UBE2D1: variants seen among roughly 807,000 people sequenced by gnomAD.
UBE2D1 encodes the protein ubiquitin conjugating enzyme E2 D1.
Under a neutral mutation model 24.6 loss-of-function variants are expected in UBE2D1, and 9 were observed. The ratio of observed to expected loss-of-function variants is 0.37; its 90% CI spans 0.22 to 0.64. The LOEUF is 0.64. Among genes scored for constraint, UBE2D1 ranks in the 30% least tolerant of loss-of-function variants. The pLI is 0.64. For missense variants in UBE2D1, 87 were observed against 177.1 expected, an observed-to-expected ratio of 0.49 and a Z score of 2.89; for synonymous variants, 57 against 57.6, an observed-to-expected ratio of 0.99 and a Z score of 0.04.
chr10:58,364,699 A>C, intron 4 of UBE2D1, 72 bp from the exon 5 acceptor site: 1 of 1,125,438 alleles, frequency 8.9e-7, no homozygotes, highest in East Asian at 2.4e-5. Context: ...ACCCTAGAGC[A>C]AATTGGTTCT....
chr10:58,338,091 C>A (rs1456506195), intron 1 of UBE2D1, among the ~76,000 whole-genome samples: 3 of 152,112 alleles, frequency 2.0e-5, no homozygotes, highest in African/African-American at 7.2e-5. Flanking sequence ...AGGCAATCCA[C>A]CTACCTCGGC....
At chr10:58,335,287 C>G in intron 1 of UBE2D1, 62 bp downstream of exon 1, 1 of 1,462,312 alleles carries the variant, frequency 6.8e-7, no homozygotes, top group Non-Finnish European at 9.0e-7. Flanking sequence ...GCTGACTCGG[C>G]CAGTGGTCCC....
In UBE2D1 at chr10:58,369,509, T is replaced by A. The variant is rs565641656; in HGVS notation, c.*744T>A. ...TTATTTGTTGCTATTCACATTTGAA[T>A]TTTTTCCTGTATAGGCAATATTATA... On this transcript the variant is annotated 3_prime_UTR_variant, in exon 7 of 7. Coordinates refer to ENST00000373910, the MANE Select transcript of UBE2D1 (RefSeq NM_003338.5). 6.0e-4 allele frequency: 92 copies of A among 152,666 alleles called. No homozygotes were observed. Among genetic ancestry groups the A allele is most frequent in the Non-Finnish European group, 1.0e-3 (71 of 67,844 alleles). The allele number at this position is 152,666 out of a possible 1,614,324, so 9.5% of individuals were successfully genotyped here.
At chr10:58,362,749 T>C (rs1840214242) in intron 3 of UBE2D1, among the ~76,000 whole-genome samples, 2 of 152,116 alleles carry the variant, frequency 1.3e-5, no homozygotes. Context: ...ATATATATAG[T>C]AAGAATTATT....
At chr10:58,345,848 T>C (rs548699527) in intron 1 of UBE2D1, among the ~76,000 whole-genome samples, 1 of 152,210 alleles carries the variant, frequency 6.6e-6, no homozygotes, top group Non-Finnish European at 1.5e-5. Context: ...GCTTGGCTTA[T>C]TTGGGAAGGA....
rs114011458 is a variant in UBE2D1 at position 58,362,326 on chromosome 10, C to A, written c.120+800C>A. On this transcript the variant is annotated intron_variant, in intron 3 of 6. Coordinates refer to ENST00000373910, the MANE Select transcript of UBE2D1 (RefSeq NM_003338.5). ...AGTTACAGAGTTTTTAATCATACGA[C>A]CTTGTGTTTAACTTTAAAAAACACC... is the stretch of plus-strand genomic sequence containing the variant. Among the ~76,000 whole-genome samples the A allele has an allele frequency of 9.9e-4, 151 of 152,218 alleles. 1 individual carries two copies. Among genetic ancestry groups the A allele is most frequent in the African/African-American group, 3.5e-3 (146 of 41,530 alleles).
intron 1 of UBE2D1, 122 bp from the exon 2 acceptor site, chr10:58,361,215 TA>T: frequency 1.0e-6 from 1 of 977,416 alleles, no homozygotes; most frequent in Non-Finnish European, 1.5e-6. Context: ...TTTATGTTTT[TA>T]TATTTTGAAT....
chr10:58,357,550 A>G (rs1373622679), intron 1 of UBE2D1, among the ~76,000 whole-genome samples: 3 of 152,110 alleles, frequency 2.0e-5, no homozygotes, highest in Admixed American at 6.6e-5. Flanking sequence ...ACACATCTCA[A>G]AATTTTCCAA....
At chr10:58,359,207 A>G (rs1840167640) in intron 1 of UBE2D1, among the ~76,000 whole-genome samples, 1 of 152,126 alleles carries the variant, frequency 6.6e-6, no homozygotes. Flanking sequence ...ACTCATTGCC[A>G]TAATTACCTT....
intron 3 of UBE2D1, 71 bp from the exon 4 acceptor site, chr10:58,363,537 TG>T (rs1424626100): frequency 1.8e-6 from 2 of 1,090,438 alleles, no homozygotes; most frequent in Non-Finnish European, 2.6e-6. Context: ...TGATAATATT[TG>T]GGGGAAATAA....
At chr10:58,343,888 G>A (rs1403286323) in intron 1 of UBE2D1, among the ~76,000 whole-genome samples, 5 of 152,136 alleles carry the variant, frequency 3.3e-5, no homozygotes, top group African/African-American at 7.2e-5. Flanking sequence ...TTTTACACAC[G>A]TTTTAATAAA....
At chr10:58,337,803 G>A in intron 1 of UBE2D1, among the ~76,000 whole-genome samples, 1 of 152,100 alleles carries the variant, frequency 6.6e-6, no homozygotes, top group East Asian at 1.9e-4. Flanking sequence ...CTTATTCAAG[G>A]AAGGATCCAG....
intron 3 of UBE2D1, among the ~76,000 whole-genome samples, chr10:58,361,833 G>A (rs1323911932): frequency 7.1e-6 from 1 of 140,232 alleles, no homozygotes; most frequent in African/African-American, 2.6e-5. Flanking sequence ...AGAGTTAGTT[G>A]TAATTAACCA....
chr10:58,351,398 T>A (rs966100694), intron 1 of UBE2D1, among the ~76,000 whole-genome samples: 2 of 152,218 alleles, frequency 1.3e-5, no homozygotes, highest in African/African-American at 4.8e-5. Context: ...TATTTTAATT[T>A]TTTTCACATT....
rs1185916765 is a variant in UBE2D1 at position 58,369,240 on chromosome 10, C to T, written c.*475C>T. ...TATTTACATGTATGTCAACTCATTACTTTTTTCCTGTGAACAGTATTGAAA... is the reference window on the plus strand; with the variant it reads ...TATTTACATGTATGTCAACTCATTATTTTTTTCCTGTGAACAGTATTGAAA... On this transcript the variant is annotated 3_prime_UTR_variant, in exon 7 of 7. Transcript: ENST00000373910. 1.3e-5 allele frequency: 2 copies of T among 152,410 alleles called. No homozygotes were observed. The highest frequency in any genetic ancestry group is 4.8e-5 in the African/African-American group (2 of 41,408). The allele number at this position is 152,410 out of a possible 1,614,324, so 9.4% of individuals were successfully genotyped here. A position where few individuals can be genotyped will look rare whatever the true frequency, so the allele number is the denominator to read the frequency against.
chr10:58,337,367 C>A (rs752620011), intron 1 of UBE2D1, among the ~76,000 whole-genome samples: 1 of 152,124 alleles, frequency 6.6e-6, no homozygotes, highest in Non-Finnish European at 1.5e-5. Context: ...CCCTACTTTT[C>A]CTCCTCCTTT....
At chr10:58,338,817 G>T (rs564542922) in intron 1 of UBE2D1, among the ~76,000 whole-genome samples, 1 of 152,314 alleles carries the variant, frequency 6.6e-6, no homozygotes, top group Admixed American at 6.5e-5. Context: ...CTTTTGAAAA[G>T]TGAGGCAATA....
rs1256659682 is a variant in UBE2D1, at chr10:58,356,064, T to C, written c.25-5274T>C. On this transcript the variant is annotated intron_variant, in intron 1 of 6. Coordinates refer to ENST00000373910, the MANE Select transcript of UBE2D1 (RefSeq NM_003338.5). ...AAAAACCAATGCCATTTTATCTCTTTTTTTATATTTATGTATTTATTTATT... is the reference window on the plus strand; with the variant it reads ...AAAAACCAATGCCATTTTATCTCTTCTTTTATATTTATGTATTTATTTATT... 3.9e-5 allele frequency among the ~76,000 whole-genome samples: 6 copies of C among 152,274 alleles called. No individual in the cohort carries two copies. The East Asian group carries it at 1.2e-3, about 29-fold the overall frequency.
intron 1 of UBE2D1, among the ~76,000 whole-genome samples, chr10:58,339,431 G>A (rs1410052260): frequency 6.6e-6 from 1 of 152,148 alleles, no homozygotes; most frequent in Non-Finnish European, 1.5e-5. Context: ...ATTCCTGGCT[G>A]TGTGGCTTAC....
Sources: gnomAD v4.1 joint callset for allele counts (sites outside exome capture counted in the v4.1 genomes callset) on GRCh38, gnomAD v4.1.1 for gene constraint, MANE v1.5 for transcripts, NCBI Gene and HGNC (gene_info 2026-07-23, HGNC 2026-07-21) for gene names.